RAB27B: variants seen among roughly 807,000 people sequenced by gnomAD.
RAB27B encodes the protein ras-related protein Rab-27B.
RAB27B carries 15 observed loss-of-function variants against 24.6 expected under a neutral mutation model. The ratio of observed to expected loss-of-function variants is 0.61; its 90% confidence interval spans 0.41 to 0.94. The LOEUF (loss-of-function observed/expected upper bound fraction) is 0.94, where lower values mean the gene tolerates loss of function less well. RAB27B is among the 40% of genes least tolerant of loss of function. The probability of loss-of-function intolerance (pLI) is 0.00; values close to 1 mark genes in which losing one functional copy is unlikely to be tolerated. For missense variants in RAB27B, 261 were observed against 266.8 expected (o/e 0.98, Z 0.15); for synonymous variants, 105 against 92.5 (o/e 1.14, Z -0.78).
chr18:54,725,587 G>A (rs1057412711), intron 2 of RAB27B, among the ~76,000 whole-genome samples: 3 of 151,428 alleles, frequency 2.0e-5, no homozygotes, highest in African/African-American at 4.8e-5. Flanking sequence ...CTCACAGTTC[G>A]GCATGGCACG....
intron 2 of RAB27B, among the ~76,000 whole-genome samples, chr18:54,758,506 A>T (rs2145045787): frequency 1.3e-5 from 2 of 152,288 alleles, no homozygotes; most frequent in Middle Eastern, 3.4e-3. Context: ...AGGTAGAAAA[A>T]TATATCAGGT....
Position 54,888,203 on chromosome 18 carries a change from A to G in RAB27B, c.467+85A>G, listed in dbSNP as rs1913225007. 7 of 1,468,492 alleles carry G rather than the reference A, an allele frequency of 4.8e-6. No individual in the cohort carries two copies. In the South Asian group the frequency reaches 9.5e-5, roughly 20 times the overall value. 91.0% of individuals were successfully genotyped at this position (1,468,492 alleles called of 1,614,324 possible). A position where few individuals can be genotyped will look rare whatever the true frequency, so the allele number is the denominator to read the frequency against. ...AGAGACATTAGATTGATATTAGAAG[A>G]AATCCCCTTAACCAAGAACAGCATG... is the stretch of plus-strand genomic sequence containing the variant. On this transcript the variant is annotated intron_variant, in intron 5 of 5. Transcript: ENST00000262094.
At chr18:54,743,832 A>G (rs546717492) in intron 2 of RAB27B, among the ~76,000 whole-genome samples, 3 of 152,338 alleles carry the variant, frequency 2.0e-5, no homozygotes, top group African/African-American at 7.2e-5. Flanking sequence ...GGGAAAAATA[A>G]GAGACATGCT....
chr18:54,846,362 A>G (rs562555584), intron 1 of RAB27B, among the ~76,000 whole-genome samples: 1 of 152,358 alleles, frequency 6.6e-6, no homozygotes, highest in South Asian at 2.1e-4. Flanking sequence ...ATTTCCTCTA[A>G]TAACAATGGC....
intron 1 of RAB27B, among the ~76,000 whole-genome samples, chr18:54,850,359 T>TATATATATATATATATATATATATAC (rs1491518141): frequency 7.9e-6 from 1 of 126,868 alleles, no homozygotes; most frequent in Admixed American, 8.0e-5. Context: ...TATATATATA[T>TATATATATATATATATATATATATAC]ACATACATAC....
At chr18:54,761,571 T>C (rs1908190743) in intron 2 of RAB27B, among the ~76,000 whole-genome samples, 1 of 152,194 alleles carries the variant, frequency 6.6e-6, no homozygotes, top group Non-Finnish European at 1.5e-5. Flanking sequence ...TTTATCCTCT[T>C]TTCACAACAG....
intron 2 of RAB27B, among the ~76,000 whole-genome samples, chr18:54,724,553 G>A (rs1034184698): frequency 2.6e-5 from 4 of 151,302 alleles, no homozygotes; most frequent in East Asian, 1.9e-4. Flanking sequence ...GTGAAACTCC[G>A]TCCCTAATAA....
chr18:54,867,633 G>A (rs963300857), intron 1 of RAB27B, among the ~76,000 whole-genome samples: 3 of 151,840 alleles, frequency 2.0e-5, no homozygotes, highest in Non-Finnish European at 2.9e-5. Context: ...TCTTAGTAGA[G>A]ACAGGGTTTC....
chr18:54,806,354 G>A (rs1320985896), intron 2 of RAB27B, among the ~76,000 whole-genome samples: 1 of 151,702 alleles, frequency 6.6e-6, no homozygotes, highest in African/African-American at 2.4e-5. Flanking sequence ...TGTATGGGAA[G>A]CATAGGAGAC....
At chr18:54,868,541 G>A (rs11660337) in intron 1 of RAB27B, among the ~76,000 whole-genome samples, 2,069 of 152,270 alleles carry the variant, frequency 0.014, 30 homozygotes, top group Non-Finnish European at 0.022. Flanking sequence ...GCACACTTTG[G>A]CATTGCACAC....
intron 1 of RAB27B, among the ~76,000 whole-genome samples, chr18:54,866,054 A>C (rs1355862683): frequency 6.6e-6 from 1 of 152,182 alleles, no homozygotes; most frequent in Non-Finnish European, 1.5e-5. Context: ...CTGTATTATC[A>C]ACATTCTGGA....
chr18:54,874,650 G>A (rs1912620171), intron 1 of RAB27B, among the ~76,000 whole-genome samples: 1 of 151,722 alleles, frequency 6.6e-6, no homozygotes, highest in African/African-American at 2.4e-5. Context: ...CTTTTTCTGG[G>A]AGCCACGAAA....
intron 2 of RAB27B, among the ~76,000 whole-genome samples, chr18:54,770,046 T>C (rs963665348): frequency 1.3e-5 from 2 of 152,114 alleles, no homozygotes; most frequent in Non-Finnish European, 2.9e-5. Context: ...TTTTTGTATT[T>C]TTAGTAGAGA....
Position 54,889,391 on chromosome 18 carries a change from C to T in RAB27B, c.635C>T (p.Pro212Leu), listed in dbSNP as rs765888700. ...GGAAACTTGGATGGGGAAAAGCCAC[C>T]AGAGAAGAAATGTATCTGCTAGACT... The part of the protein sequence containing the change: ...NSGNLDGEKP[P>L]EKKCIC Residue 212 changes from proline to leucine, a missense_variant, in exon 6 of 6, where the codon CCA becomes CTA. Transcript: ENST00000262094. The T allele has an allele frequency of 9.9e-6, 16 of 1,612,312 alleles. No individual in the cohort carries two copies. The East Asian group carries it at 3.6e-4, about 36-fold the overall frequency.
chr18:54,871,723 AC>A (rs1912472599), intron 1 of RAB27B, among the ~76,000 whole-genome samples: 1 of 151,516 alleles, frequency 6.6e-6, no homozygotes, highest in African/African-American at 2.4e-5. Flanking sequence ...GGTGGCGGGC[AC>A]CTTTAGTCCC....
chr18:54,803,256 G>A (rs562446215), intron 2 of RAB27B, among the ~76,000 whole-genome samples: 1 of 152,308 alleles, frequency 6.6e-6, no homozygotes, highest in East Asian at 1.9e-4. Flanking sequence ...GTCCTCCTAA[G>A]AGATGACTTT....
chr18:54,871,331 C>T (rs571253125), intron 1 of RAB27B, among the ~76,000 whole-genome samples: 8 of 152,134 alleles, frequency 5.3e-5, no homozygotes, highest in Non-Finnish European at 8.8e-5. Context: ...AATGTGGTTA[C>T]GGGAACGAAT....
intron 2 of RAB27B, among the ~76,000 whole-genome samples, chr18:54,754,507 T>C (rs1349036493): frequency 6.6e-6 from 1 of 152,166 alleles, no homozygotes; most frequent in East Asian, 1.9e-4. Flanking sequence ...CAAAGTACAG[T>C]GAGAAGCAAT....
chr18:54,847,974 G>T (rs1911406589), intron 1 of RAB27B, among the ~76,000 whole-genome samples: 1 of 152,218 alleles, frequency 6.6e-6, no homozygotes, highest in African/African-American at 2.4e-5. Flanking sequence ...CCACATGGTG[G>T]AAGAAAATTT....
Sources: gnomAD v4.1 joint callset for allele counts (sites outside exome capture counted in the v4.1 genomes callset) on GRCh38, gnomAD v4.1.1 for gene constraint, MANE v1.5 for transcripts, NCBI Gene and HGNC (gene_info 2026-07-23, HGNC 2026-07-21) for gene names.